Variants in DMRT2 observed in about 807,000 individuals in gnomAD.
DMRT2 encodes doublesex and mab-3 related transcription factor 2.
Under a neutral mutation model 43.5 loss-of-function variants are expected in DMRT2, and 33 were observed. The ratio of observed to expected loss-of-function variants is 0.76; its 90% confidence interval spans 0.58 to 1.01. The LOEUF is 1.01. Among genes scored for constraint, DMRT2 ranks in the 50% least tolerant of loss-of-function variants. DMRT2 has a pLI of 0.00. For synonymous variants in DMRT2, 395 were observed against 309.2 expected (o/e 1.28, Z -2.91); for missense variants, 1,064 against 748.0 (o/e 1.42, Z -4.93).
In DMRT2 at chr9:1,051,841, C is replaced by G. The variant is rs1332084868; in HGVS notation, c.228C>G (p.Gly76=). 2.8e-6 allele frequency: 4 copies of G among 1,431,880 alleles called. No individual in the cohort carries two copies. Among genetic ancestry groups the G allele is most frequent in the Admixed American group, 3.0e-5 (1 of 33,616 alleles). 88.7% of individuals were successfully genotyped at this position (1,431,880 alleles called of 1,614,324 possible). Residue 76 remains glycine, a synonymous_variant, in exon 2 of 4, where the codon GGC becomes GGG. Coordinates refer to ENST00000358146, the MANE Select transcript of DMRT2 (RefSeq NM_181872.6). The surrounding 1 kb of genome is among the most constrained non-coding windows in gnomAD (Gnocchi z 5.9). ...EEAGASPGMP[G]QPEQRGGPQP... is the part of the protein sequence containing the mutation. ...CAGGCGCGTCCCCCGGGATGCCCGG[C>G]CAGCCGGAGCAGCGGGGGGGACCGC... is the stretch of plus-strand genomic sequence containing the variant.
At chr9:1,052,185 G>T in intron 2 of DMRT2, 47 bp downstream of exon 2, 1 of 1,301,712 alleles carries the variant, frequency 7.7e-7, no homozygotes, top group Non-Finnish European at 9.8e-7. Context: ...GTGGAGGTGG[G>T]GGAGTTGGAG....
Position 1,051,381 on chromosome 9 carries a change from G to A in DMRT2, c.-44-189G>A, listed in dbSNP as rs1287882339. 6.6e-6 allele frequency among the ~76,000 whole-genome samples: 1 copy of A among 152,194 alleles called. No individual in the cohort carries two copies. The highest frequency in any genetic ancestry group is 2.4e-5 in the African/African-American group (1 of 41,454). The stretch of plus-strand genomic sequence containing the variant: ...GAATTAATAAAATAAAACCTTTGTT[G>A]GGTTGTGGATCCCTGGGGGCCCTGG... On this transcript the variant is annotated intron_variant, in intron 1 of 3. Coordinates refer to ENST00000358146, the MANE Select transcript of DMRT2 (RefSeq NM_181872.6). The surrounding 1 kb of genome is among the most constrained non-coding windows in gnomAD (Gnocchi z 5.9).
rs375812912 is a variant in DMRT2, at chr9:1,056,763, C to T, written c.1176C>T (p.Asp392=). The change falls in exon 4 of 4, where the codon GAC becomes GAT. Residue 392 remains aspartate, a synonymous_variant. Coordinates refer to ENST00000358146, the MANE Select transcript of DMRT2 (RefSeq NM_181872.6). ...RVQDGLSAEQ[D]MMPSKLEGSL... ...AGGATGGACTCAGTGCAGAGCAGGA[C>T]ATGATGCCATCGAAATTGGAAGGTT... is the stretch of plus-strand genomic sequence containing the variant. 148 of 1,614,002 alleles carry T rather than the reference C, an allele frequency of 9.2e-5. No homozygotes were observed. Among genetic ancestry groups the T allele is most frequent in the Non-Finnish European group, 1.2e-4 (143 of 1,180,032 alleles).
chr9:1,057,198 G>A lies in DMRT2; in HGVS notation c.1611G>A (p.Val537=), dbSNP rs776463369. ...AACAAGTTGGAACAAAACTCTCGGTGAATGAACCACTGTCATTTTCTGTTG... is the reference window on the plus strand; with the variant it reads ...AACAAGTTGGAACAAAACTCTCGGTAAATGAACCACTGTCATTTTCTGTTG... ...VAKQVGTKLS[V]NEPLSFSVES... The change falls in exon 4 of 4, where the codon GTG becomes GTA. Residue 537 remains valine, a synonymous_variant. Coordinates refer to ENST00000358146, the MANE Select transcript of DMRT2 (RefSeq NM_181872.6). The A allele has an allele frequency of 3.7e-6, 6 of 1,614,062 alleles. No individual in the cohort carries two copies. Among genetic ancestry groups the A allele is most frequent in the South Asian group, 3.3e-5 (3 of 91,062 alleles).
rs761898433 is a variant in DMRT2 at position 1,057,291 on chromosome 9, A to T, written c.*18A>T. 1.9e-6 allele frequency: 3 copies of T among 1,589,396 alleles called. No individual in the cohort carries two copies. Among genetic ancestry groups the T allele is most frequent in the Middle Eastern group, 1.7e-4 (1 of 5,896 alleles). ...CTCAGTGAAAGGCTGCTTAAACAGAAAGCTGGATTTTCTGCAGTCTTAGAG... is the reference window on the plus strand; with the variant it reads ...CTCAGTGAAAGGCTGCTTAAACAGATAGCTGGATTTTCTGCAGTCTTAGAG... On this transcript the variant is annotated 3_prime_UTR_variant, in exon 4 of 4. Coordinates refer to ENST00000358146, the MANE Select transcript of DMRT2 (RefSeq NM_181872.6).
chr9:1,052,286 T>C (rs1478677335), intron 2 of DMRT2, 148 bp downstream of exon 2: 4 of 550,946 alleles, frequency 7.3e-6, no homozygotes, highest in African/African-American at 2.0e-5. Flanking sequence ...CTTTTCTGCT[T>C]GCACTGGCGA....
In DMRT2 at chr9:1,057,195, G is replaced by T. The variant is rs146415672; in HGVS notation, c.1608G>T (p.Ser536=). The change falls in exon 4 of 4, where the codon TCG becomes TCT. Residue 536 remains serine (S), a synonymous_variant. Transcript: ENST00000358146. ...CCAAACAAGTTGGAACAAAACTCTC[G>T]GTGAATGAACCACTGTCATTTTCTG... ...FVAKQVGTKL[S]VNEPLSFSVE... The T allele has an allele frequency of 5.0e-5, 80 of 1,613,862 alleles. No individual in the cohort carries two copies. Among genetic ancestry groups the T allele is most frequent in the Non-Finnish European group, 6.5e-5 (77 of 1,179,994 alleles).
At chr9:1,052,776 G>A (rs1355939656) in intron 2 of DMRT2, among the ~76,000 whole-genome samples, 5 of 152,212 alleles carry the variant, frequency 3.3e-5, no homozygotes, top group Non-Finnish European at 7.3e-5. Flanking sequence ...GAGAGCCAGG[G>A]CTTTCTTTCC....
rs768987240 is a variant in DMRT2 at position 1,056,913 on chromosome 9, G to C, written c.1326G>C (p.Thr442=). 23 of 1,613,924 alleles carry C rather than the reference G, an allele frequency of 1.4e-5. No individual in the cohort carries two copies. The highest frequency in any genetic ancestry group is 1.9e-5 in the Non-Finnish European group (22 of 1,180,036). The stretch of plus-strand genomic sequence containing the variant: ...GGAATTTCTCTCCCATTGTTGACAC[G>C]GACTCCCTGGCAGCTCAAGGGCATG... ...PRRNFSPIVD[T]DSLAAQGHVL... Residue 442 remains threonine, a synonymous_variant, in exon 4 of 4, where the codon ACG becomes ACC. Coordinates refer to ENST00000358146, the MANE Select transcript of DMRT2 (RefSeq NM_181872.6).
chr9:1,056,068 T>C, intron 3 of DMRT2, 148 bp from the exon 4 acceptor site: 1 of 1,457,894 alleles, frequency 6.9e-7, no homozygotes, highest in Non-Finnish European at 9.0e-7. Context: ...ACCTAATCTG[T>C]ACTTTTGCAT....
In DMRT2 at chr9:1,056,975, C is replaced by G. The variant is rs138967351; in HGVS notation, c.1388C>G (p.Pro463Arg). ...TKISKENTRH[P>R]LPLRHNPFHS... ...ATCAGCAAAGAAAACACCAGGCACCCTCTGCCACTTAGACATAATCCATTC... is the reference window on the plus strand; with the variant it reads ...ATCAGCAAAGAAAACACCAGGCACCGTCTGCCACTTAGACATAATCCATTC... The change falls in exon 4 of 4, where the codon CCT (proline) becomes CGT (arginine). Residue 463 changes from proline (P) to arginine (R), a missense_variant. Coordinates refer to ENST00000358146, the MANE Select transcript of DMRT2 (RefSeq NM_181872.6). The G allele has an allele frequency of 2.2e-4, 349 of 1,614,204 alleles. 1 individual carries two copies. The East Asian group carries it at 5.9e-3, about 27-fold the overall frequency.
intron 3 of DMRT2, among the ~76,000 whole-genome samples, chr9:1,055,550 T>A (rs1586738985): frequency 6.6e-6 from 1 of 151,848 alleles, no homozygotes; most frequent in Non-Finnish European, 1.5e-5. Context: ...ATTTTATTTT[T>A]TTTTGTAGTG....
Position 1,052,005 on chromosome 9 carries a change from T to C in DMRT2, c.392T>C (p.Val131Ala). The change falls in exon 2 of 4, where the codon GTG (valine) becomes GCG (alanine). Residue 131 changes from valine to alanine, a missense_variant. By Grantham distance (64) the Val-to-Ala change is moderately conservative. Transcript: ENST00000358146. ...PKCARCRNHG[V>A]VSCLKGHKRF... ...TGCGCGCGCTGCCGCAACCACGGCG[T>C]GGTGTCCTGCCTGAAGGGCCACAAG... 6.8e-7 allele frequency: 1 copy of C among 1,464,048 alleles called. No individual in the cohort carries two copies. The highest frequency in any genetic ancestry group is 2.5e-5 in the Admixed American group (1 of 40,206). The allele number at this position is 1,464,048 out of a possible 1,614,324, so 90.7% of individuals were successfully genotyped here.
chr9:1,056,882 C>T lies in DMRT2; in HGVS notation c.1295C>T (p.Pro432Leu), dbSNP rs762285885. The T allele has an allele frequency of 3.1e-6, 5 of 1,614,162 alleles. No homozygotes were observed. In the South Asian group the frequency reaches 4.4e-5, roughly 14 times the overall value. The change falls in exon 4 of 4, where the codon CCC (proline) becomes CTC (leucine). Residue 432 changes from proline to leucine, a missense_variant. By Grantham distance (98) the Pro-to-Leu change is moderately conservative. Transcript: ENST00000358146. ...CCAGAGAGGTCCGCGTTCTCCCCAC[C>T]CCGACGGAATTTCTCTCCCATTGTT... The part of the protein sequence containing the change: ...AVPERSAFSP[P>L]RRNFSPIVDT...
At position 1,057,189 on chromosome 9, in the gene DMRT2, A is replaced by T. The variant is rs1822066626; in HGVS notation, c.1602A>T (p.Lys534Asn). 2 of 1,612,630 alleles carry T rather than the reference A, an allele frequency of 1.2e-6. No individual in the cohort carries two copies. Among genetic ancestry groups the T allele is most frequent in the East Asian group, 2.2e-5 (1 of 44,800 alleles). The change falls in exon 4 of 4, where the codon AAA (lysine) becomes AAT (asparagine). Residue 534 changes from lysine (K) to asparagine (N), a missense_variant. Coordinates refer to ENST00000358146, the MANE Select transcript of DMRT2 (RefSeq NM_181872.6). ...DLFVAKQVGT[K>N]LSVNEPLSFS... ...TTGTAGCCAAACAAGTTGGAACAAA[A>T]CTCTCGGTGAATGAACCACTGTCAT... is the stretch of plus-strand genomic sequence containing the variant.
chr9:1,056,635 A>G lies in DMRT2; in HGVS notation c.1048A>G (p.Ile350Val), dbSNP rs200683258. The change falls in exon 4 of 4, where the codon ATT becomes GTT. Residue 350 changes from isoleucine to valine, a missense_variant. Transcript: ENST00000358146. Reference sequence around the variant, plus strand: ...TTTAGTTTGGCCCAAGTGTGGCCCCATTAGCGACACCCTCCTCTACCAGCA... The same window carrying G: ...TTTAGTTTGGCCCAAGTGTGGCCCCGTTAGCGACACCCTCCTCTACCAGCA... ...RFLVWPKCGP[I>V]SDTLLYQQCL... is the part of the protein sequence containing the mutation. The G allele has an allele frequency of 2.0e-5, 32 of 1,614,054 alleles. No homozygotes were observed. Among genetic ancestry groups the G allele is most frequent in the Non-Finnish European group, 1.5e-5 (18 of 1,180,038 alleles).
At chr9:1,055,710 CT>C in intron 3 of DMRT2, 2 of 1,459,294 alleles carry the variant, frequency 1.4e-6, no homozygotes, top group East Asian at 2.5e-5. Flanking sequence ...CTTTCTTTCT[CT>C]TTTTTCCTAG....
At chr9:1,054,575 G>C (rs182560541) in intron 3 of DMRT2, 132 of 152,202 alleles carry the variant, frequency 8.7e-4, no homozygotes, top group African/African-American at 3.1e-3. Context: ...CTGTCTCCAT[G>C]TTCTCACTTT....
Position 1,053,772 on chromosome 9 carries a change from G to A in DMRT2, c.576G>A (p.Val192=), listed in dbSNP as rs754089755. 8 of 1,614,026 alleles carry A rather than the reference G, an allele frequency of 5.0e-6. No individual in the cohort carries two copies. In the Admixed American group the frequency reaches 5.0e-5, roughly 10 times the overall value. ...GKQNNFERKA[V]YQRQVRAPSL... Reference sequence around the variant, plus strand: ...AGAATAATTTCGAGCGCAAAGCTGTGTACCAGAGGCAAGTCAGAGCCCCCA... The same window carrying A: ...AGAATAATTTCGAGCGCAAAGCTGTATACCAGAGGCAAGTCAGAGCCCCCA... The change falls in exon 3 of 4, where the codon GTG becomes GTA. Residue 192 remains valine (V), a synonymous_variant. Coordinates refer to ENST00000358146, the MANE Select transcript of DMRT2 (RefSeq NM_181872.6).
Sources: gnomAD v4.1 joint callset for allele counts (sites outside exome capture counted in the v4.1 genomes callset) on GRCh38, gnomAD v4.1.1 for gene constraint, Gnocchi (gnomAD v3.1) non-coding constraint, MANE v1.5 for transcripts, NCBI Gene and HGNC (gene_info 2026-07-23, HGNC 2026-07-21) for gene names.